PLA2G4A: variants seen among roughly 807,000 people sequenced by gnomAD.
PLA2G4A encodes cytosolic phospholipase A2.
A neutral mutation model predicts 81.9 loss-of-function variants in PLA2G4A; 40 were observed. The ratio of observed to expected loss-of-function variants is 0.49; its 90% confidence interval spans 0.38 to 0.64. PLA2G4A has a LOEUF of 0.64. Among genes scored for constraint, PLA2G4A ranks in the 30% least tolerant of loss-of-function variants. The probability of loss-of-function intolerance (pLI) is 0.00; values close to 1 mark genes in which losing one functional copy is unlikely to be tolerated. For missense variants in PLA2G4A, 715 were observed against 905.1 expected (o/e 0.79, Z 2.69); for synonymous variants, 302 against 296.9 (o/e 1.02, Z -0.18).
intron 1 of PLA2G4A, among the ~76,000 whole-genome samples, chr1:186,847,263 A>G (rs771561936): frequency 6.6e-6 from 1 of 151,760 alleles, no homozygotes; most frequent in African/African-American, 2.4e-5. Flanking sequence ...GGTACCCTGT[A>G]TTTCTTTCTG....
chr1:186,906,835 C>T, intron 5 of PLA2G4A, 130 bp from the exon 6 acceptor site: 1 of 608,306 alleles, frequency 1.6e-6, no homozygotes, highest in Admixed American at 2.9e-5. Context: ...AGCTGTGTTA[C>T]TTTTATTTTT....
chr1:186,948,612 G>A (rs1277198080), intron 12 of PLA2G4A, among the ~76,000 whole-genome samples: 1 of 152,096 alleles, frequency 6.6e-6, no homozygotes, highest in Non-Finnish European at 1.5e-5. Flanking sequence ...AGGGTTTGCT[G>A]TTTTTTCTTC....
chr1:186,832,492 T>C (rs1651628803), intron 1 of PLA2G4A, among the ~76,000 whole-genome samples: 1 of 152,184 alleles, frequency 6.6e-6, no homozygotes, highest in Admixed American at 6.5e-5. Flanking sequence ...AGGAATATGG[T>C]ATTCATTTAT....
At position 186,954,010 on chromosome 1, in the gene PLA2G4A, T is replaced by A. The variant is rs545058074; in HGVS notation, c.1337-2092T>A. Among the ~76,000 whole-genome samples the A allele has an allele frequency of 5.1e-4, 78 of 152,358 alleles. No homozygotes were observed. The South Asian group carries it at 0.011, about 21-fold the overall frequency. ...GTGTAAGAGTAGAAAGTAGTGTATT[T>A]GTTTTTGGTGACTATATAGTCATCT... On this transcript the variant is annotated intron_variant, in intron 13 of 17. Coordinates refer to ENST00000367466, the MANE Select transcript of PLA2G4A (RefSeq NM_024420.3).
chr1:186,925,666 TG>T (rs1218439191), intron 7 of PLA2G4A, among the ~76,000 whole-genome samples: 1 of 152,198 alleles, frequency 6.6e-6, no homozygotes, highest in African/African-American at 2.4e-5. Flanking sequence ...TAATTTCTTC[TG>T]AGACTCTCCC....
At chr1:186,904,412 T>C (rs1223800835) in intron 5 of PLA2G4A, among the ~76,000 whole-genome samples, 2 of 152,232 alleles carry the variant, frequency 1.3e-5, no homozygotes, top group Admixed American at 6.5e-5. Context: ...AGTAATTGTT[T>C]AATGCCTCAC....
In PLA2G4A at chr1:186,906,189, A is replaced by G. The variant is rs573895355; in HGVS notation, c.379-776A>G. On this transcript the variant is annotated intron_variant, in intron 5 of 17. Coordinates refer to ENST00000367466, the MANE Select transcript of PLA2G4A (RefSeq NM_024420.3). ...TCTCATTTGGTTCTTATAACAATCT[A>G]CAATTACATTTTTCATAGCTAACGC... is the stretch of plus-strand genomic sequence containing the variant. 1.2e-3 allele frequency among the ~76,000 whole-genome samples: 178 copies of G among 152,344 alleles called. 1 individual carries two copies. The highest frequency in any genetic ancestry group is 4.2e-3 in the African/African-American group (175 of 41,590).
At chr1:186,919,575 G>A (rs1363377848) in intron 7 of PLA2G4A, among the ~76,000 whole-genome samples, 2 of 152,174 alleles carry the variant, frequency 1.3e-5, no homozygotes, top group Admixed American at 1.3e-4. Context: ...TCAAGCCACG[G>A]CCTCCCTGAA....
rs549553034 is a variant in PLA2G4A at position 186,964,642 on chromosome 1, G to A, written c.1580-767G>A. On this transcript the variant is annotated intron_variant, in intron 14 of 17. Transcript: ENST00000367466. ...AGGCATCTCCCCTGACCATCCACCTGAAGTTACTTACTCCTTATTATAGTG... is the reference window on the plus strand; with the variant it reads ...AGGCATCTCCCCTGACCATCCACCTAAAGTTACTTACTCCTTATTATAGTG... 8.5e-5 allele frequency among the ~76,000 whole-genome samples: 13 copies of A among 152,282 alleles called. No homozygotes were observed. In the South Asian group the frequency reaches 2.5e-3, roughly 29 times the overall value.
intron 8 of PLA2G4A, among the ~76,000 whole-genome samples, chr1:186,937,398 A>G (rs1655990579): frequency 1.3e-5 from 2 of 151,854 alleles, no homozygotes; most frequent in Admixed American, 1.3e-4. Context: ...TGGAATAACT[A>G]TAGGAATAAA....
chr1:186,855,753 A>G (rs562686239), intron 2 of PLA2G4A, among the ~76,000 whole-genome samples: 30 of 152,184 alleles, frequency 2.0e-4, no homozygotes, highest in African/African-American at 4.3e-4. Flanking sequence ...TATTTAATCT[A>G]CTGATAACCA....
At chr1:186,951,034 A>G (rs1370241539) in intron 13 of PLA2G4A, among the ~76,000 whole-genome samples, 6 of 152,240 alleles carry the variant, frequency 3.9e-5, no homozygotes, top group Non-Finnish European at 2.9e-5. Flanking sequence ...TAGGCTTCTC[A>G]GCATGGTTAC....
At chr1:186,940,734 C>T (rs1445637637) in intron 10 of PLA2G4A, among the ~76,000 whole-genome samples, 4 of 152,100 alleles carry the variant, frequency 2.6e-5, no homozygotes, top group Non-Finnish European at 5.9e-5. Context: ...CAGTACATGT[C>T]AACAACGTTA....
At chr1:186,956,438 A>G (rs1283685358) in intron 14 of PLA2G4A, 94 bp downstream of exon 14, 2 of 1,123,960 alleles carry the variant, frequency 1.8e-6, no homozygotes, top group Non-Finnish European at 1.4e-6. Context: ...ACACTTACTC[A>G]TTTATTATCA....
intron 2 of PLA2G4A, among the ~76,000 whole-genome samples, chr1:186,870,109 G>C (rs956681453): frequency 2.0e-5 from 3 of 152,096 alleles, no homozygotes; most frequent in African/African-American, 7.2e-5. Flanking sequence ...TTATAAGCCA[G>C]GGCTTCCTAG....
chr1:186,986,222 T>C lies in PLA2G4A; in HGVS notation c.2119-2155T>C, dbSNP rs532287975. Among the ~76,000 whole-genome samples, 17 of 152,344 alleles carry C rather than the reference T, an allele frequency of 1.1e-4. No homozygotes were observed. In the South Asian group the frequency reaches 3.5e-3, roughly 32 times the overall value. On this transcript the variant is annotated intron_variant, in intron 17 of 17. Transcript: ENST00000367466. Reference sequence around the variant, plus strand: ...ACGATAAATCCACTAGTTCCTGATGTTGATATTGCTGATTTTTTTTATGCT... The same window carrying C: ...ACGATAAATCCACTAGTTCCTGATGCTGATATTGCTGATTTTTTTTATGCT...
chr1:186,893,475 T>A (rs1238426582), intron 4 of PLA2G4A, among the ~76,000 whole-genome samples: 2 of 152,228 alleles, frequency 1.3e-5, no homozygotes, highest in Non-Finnish European at 1.5e-5. Flanking sequence ...AAGTGAAAAT[T>A]AATTTTTCCC....
chr1:186,958,116 C>A (rs1022076629), intron 14 of PLA2G4A, among the ~76,000 whole-genome samples: 1 of 151,964 alleles, frequency 6.6e-6, no homozygotes, highest in African/African-American at 2.4e-5. Context: ...GCAAAAATGA[C>A]CCCTGTTGTT....
intron 2 of PLA2G4A, among the ~76,000 whole-genome samples, chr1:186,856,932 G>A (rs1416254744): frequency 6.7e-6 from 1 of 148,986 alleles, no homozygotes; most frequent in Non-Finnish European, 1.5e-5. Flanking sequence ...GGAAATGAAA[G>A]AAGTTCAGTA....
Sources: allele counts gnomAD v4.1 joint callset (sites outside exome capture counted in the v4.1 genomes callset), GRCh38; gene constraint gnomAD v4.1.1; transcripts MANE v1.5; gene names NCBI Gene and HGNC (gene_info 2026-07-23, HGNC 2026-07-21).